ZNF17: variants seen among roughly 807,000 people sequenced by gnomAD.
ZNF17 encodes the protein zinc finger protein 17.
ZNF17 carries 4 observed loss-of-function variants against 7.7 expected under a neutral mutation model. The ratio of observed to expected loss-of-function variants is 0.52; its 90% CI spans 0.26 to 1.20. The LOEUF is 1.20. Ranked by LOEUF, ZNF17 falls within the 50% of genes most tolerant of loss-of-function variation. The pLI, the probability that ZNF17 is intolerant of heterozygous loss-of-function variation, is 0.14. For synonymous variants in ZNF17, 249 were observed against 258.8 expected (o/e 0.96, Z 0.36); for missense variants, 738 against 799.5 (o/e 0.92, Z 0.93).
At chr19:57,417,874 A>C in intron 2 of ZNF17, 38 bp from the exon 3 acceptor site, 3 of 1,587,288 alleles carry the variant, frequency 1.9e-6, no homozygotes, top group Non-Finnish European at 2.6e-6. Context: ...AAAGAAAAAA[A>C]AAGTTGCTCA....
intron 1 of ZNF17, among the ~76,000 whole-genome samples, chr19:57,412,880 TTTTTC>T (rs2088787242): frequency 6.6e-6 from 1 of 151,588 alleles, no homozygotes; most frequent in Non-Finnish European, 1.5e-5. Flanking sequence ...TGATTTTTCT[TTTTTC>T]TTTTTTTTTT....
At chr19:57,414,384 G>A (rs1468976835) in intron 2 of ZNF17, among the ~76,000 whole-genome samples, 1 of 151,532 alleles carries the variant, frequency 6.6e-6, no homozygotes, top group Non-Finnish European at 1.5e-5. Context: ...GCCCAGGCGG[G>A]AGTGCATTGA....
At position 57,420,189 on chromosome 19, in the gene ZNF17, C is replaced by G; in HGVS notation, c.703C>G (p.Leu235Val). 1 of 1,613,182 alleles carries G rather than the reference C, an allele frequency of 6.2e-7. No individual in the cohort carries two copies. Among genetic ancestry groups the G allele is most frequent in the Non-Finnish European group, 8.5e-7 (1 of 1,179,138 alleles). Reference sequence around the variant, plus strand: ...CAAATTGTTTAGGTACAACTCCGACCTTATTAAACATCAGCGAAATCATAC... The same window carrying G: ...CAAATTGTTTAGGTACAACTCCGACGTTATTAAACATCAGCGAAATCATAC... Reference protein sequence around the residue: ...CGKLFRYNSDLIKHQRNHTGE... With the variant: ...CGKLFRYNSDVIKHQRNHTGE... Residue 235 changes from leucine (L) to valine (V), a missense_variant, in exon 4 of 4, where the codon CTT (leucine) becomes GTT (valine). Around this residue, in one of 3 missense-constraint regions of ZNF17, gnomAD observed 616 missense variants for 663.9 expected, o/e 0.93. Coordinates refer to ENST00000307658, the MANE Select transcript of ZNF17 (RefSeq NM_001330617.2).
intron 2 of ZNF17, among the ~76,000 whole-genome samples, chr19:57,415,967 A>AGTGTATCTGGGC (rs2088809162): frequency 6.6e-6 from 1 of 152,008 alleles, no homozygotes; most frequent in Non-Finnish European, 1.5e-5. Flanking sequence ...TGGGGAGGTC[A>AGTGTATCTGGGC]GTGTATCTGG....
Position 57,420,253 on chromosome 19 carries a change from C to T in ZNF17, c.767C>T (p.Ala256Val). The change falls in exon 4 of 4, where the codon GCC becomes GTC. Residue 256 changes from alanine (A) to valine (V), a missense_variant. Physicochemically the swap from Ala to Val is moderately conservative, Grantham distance 64. Transcript: ENST00000307658. ...RPYKCSECGK[A>V]FSLKYNVVQH... ...TATAAGTGTAGTGAATGTGGAAAAG[C>T]CTTCAGCCTCAAATACAATGTTGTT... The T allele has an allele frequency of 6.2e-7, 1 of 1,613,820 alleles. No individual in the cohort carries two copies. The highest frequency in any genetic ancestry group is 8.5e-7 in the Non-Finnish European group (1 of 1,179,962).
chr19:57,413,752 G>A, intron 2 of ZNF17, 116 bp downstream of exon 2: 1 of 1,320,382 alleles, frequency 7.6e-7, no homozygotes. Flanking sequence ...TTGGGTCCAA[G>A]GAGAGCCTGT....
chr19:57,419,563 G>T, intron 3 of ZNF17, 72 bp from the exon 4 acceptor site: 1 of 1,501,826 alleles, frequency 6.7e-7, no homozygotes, highest in South Asian at 1.3e-5. Context: ...GAGTTGGTCT[G>T]ACAGACATTT....
chr19:57,414,435 A>G (rs2088798995), intron 2 of ZNF17, among the ~76,000 whole-genome samples: 2 of 151,420 alleles, frequency 1.3e-5, no homozygotes, highest in African/African-American at 2.4e-5. Context: ...CCCAGGTTCA[A>G]GCAATTCTCC....
At chr19:57,418,097 C>T (rs1278411209) in intron 3 of ZNF17, 59 bp downstream of exon 3, 2 of 1,577,174 alleles carry the variant, frequency 1.3e-6, no homozygotes, top group East Asian at 2.3e-5. Context: ...TCACTTTTTT[C>T]CTTGGCATCT....
chr19:57,416,788 A>G (rs562325323), intron 2 of ZNF17, among the ~76,000 whole-genome samples: 7 of 151,838 alleles, frequency 4.6e-5, no homozygotes, highest in African/African-American at 1.7e-4. Context: ...GATTAGAGGC[A>G]TGAGCCACCA....
chr19:57,414,615 A>G (rs8101982), intron 2 of ZNF17, among the ~76,000 whole-genome samples: 142,642 of 152,086 alleles, frequency 0.94, 66,956 homozygotes, highest in Middle Eastern at 0.98. Context: ...GATTACAGGT[A>G]TGAGCCACCG....
Position 57,420,794 on chromosome 19 carries a change from A to C in ZNF17, c.1308A>C (p.Arg436Ser). The change falls in exon 4 of 4, where the codon AGA (arginine) becomes AGC (serine). Residue 436 changes from arginine to serine, a missense_variant. By Grantham distance (110) the Arg-to-Ser change is moderately radical. This residue lies in a region of ZNF17 where 616 missense variants were observed against 663.9 expected (regional missense o/e 0.93). Coordinates refer to ENST00000307658, the MANE Select transcript of ZNF17 (RefSeq NM_001330617.2). ...MDTSTLIIHQ[R>S]VHTGEKPYEC... ...CTTCCACACTCATTATTCATCAGAGAGTTCATACTGGAGAAAAGCCTTATG... is the reference window on the plus strand; with the variant it reads ...CTTCCACACTCATTATTCATCAGAGCGTTCATACTGGAGAAAAGCCTTATG... 7 of 1,614,090 alleles carry C rather than the reference A, an allele frequency of 4.3e-6. No homozygotes were observed. The highest frequency in any genetic ancestry group is 5.9e-6 in the Non-Finnish European group (7 of 1,180,012).
chr19:57,420,226 C>T lies in ZNF17; in HGVS notation c.740C>T (p.Pro247Leu). Residue 247 changes from proline to leucine, a missense_variant, in exon 4 of 4, where the codon CCT (proline) becomes CTT (leucine). Pro to Leu is a moderately conservative substitution (Grantham distance 98). Transcript: ENST00000307658. The stretch of plus-strand genomic sequence containing the variant: ...CAGCGAAATCATACTGGAGAAAGGC[C>T]TTATAAGTGTAGTGAATGTGGAAAA... Reference protein sequence around the residue: ...KHQRNHTGERPYKCSECGKAF... With the variant: ...KHQRNHTGERLYKCSECGKAF... The T allele has an allele frequency of 1.9e-6, 3 of 1,614,154 alleles. No homozygotes were observed. The highest frequency in any genetic ancestry group is 2.2e-5 in the South Asian group (2 of 91,084).
At chr19:57,416,767 C>T (rs2088813642) in intron 2 of ZNF17, among the ~76,000 whole-genome samples, 1 of 151,996 alleles carries the variant, frequency 6.6e-6, no homozygotes, top group South Asian at 2.1e-4. Flanking sequence ...CTCAGCCTCC[C>T]AAAGTGCTGG....
intron 2 of ZNF17, among the ~76,000 whole-genome samples, chr19:57,415,099 T>C (rs930345324): frequency 2.0e-5 from 3 of 152,162 alleles, no homozygotes; most frequent in Admixed American, 6.5e-5. Flanking sequence ...ACCTGGGTGA[T>C]AATTCCTGCC....
Position 57,420,907 on chromosome 19 carries a change from G to A in ZNF17, c.1421G>A (p.Cys474Tyr), listed in dbSNP as rs757100366. The change falls in exon 4 of 4, where the codon TGC (cysteine) becomes TAC (tyrosine). Residue 474 changes from cysteine (C) to tyrosine (Y), a missense_variant. Physicochemically the swap from Cys to Tyr is radical, Grantham distance 194. This residue lies in a region of ZNF17 where 616 missense variants were observed against 663.9 expected (regional missense o/e 0.93). Transcript: ENST00000307658. ...CACTCTGGAGAGAGGCCTTATGAATGCAGTGAATGTGGCAAATTCTTTGTG... is the reference window on the plus strand; with the variant it reads ...CACTCTGGAGAGAGGCCTTATGAATACAGTGAATGTGGCAAATTCTTTGTG... The part of the protein sequence containing the change: ...RVHSGERPYE[C>Y]SECGKFFVDS... The A allele has an allele frequency of 7.4e-6, 12 of 1,614,034 alleles. No homozygotes were observed. The African/African-American group carries it at 9.3e-5, about 13-fold the overall frequency.
At chr19:57,416,313 G>A (rs1168541019) in intron 2 of ZNF17, among the ~76,000 whole-genome samples, 1 of 152,100 alleles carries the variant, frequency 6.6e-6, no homozygotes, top group Non-Finnish European at 1.5e-5. Context: ...GCCAAGAGTG[G>A]AGGTGTTGGA....
chr19:57,413,751 A>C, intron 2 of ZNF17, 115 bp downstream of exon 2: 1 of 1,308,118 alleles, frequency 7.6e-7, no homozygotes, highest in Non-Finnish European at 1.1e-6. Context: ...CTTGGGTCCA[A>C]GGAGAGCCTG....
intron 2 of ZNF17, among the ~76,000 whole-genome samples, chr19:57,415,481 A>G (rs556184795): frequency 6.6e-6 from 1 of 152,304 alleles, no homozygotes; most frequent in East Asian, 1.9e-4. Flanking sequence ...GACATCTACT[A>G]TATGATAGCC....
Sources: allele counts gnomAD v4.1 joint callset (sites outside exome capture counted in the v4.1 genomes callset), GRCh38; gene constraint gnomAD v4.1.1; regional missense constraint gnomAD v4.1.1; transcripts MANE v1.5; gene names NCBI Gene and HGNC (gene_info 2026-07-23, HGNC 2026-07-21).